Variants in CEP85 observed in about 807,000 individuals in gnomAD.
CEP85 encodes centrosomal protein of 85 kDa.
Under a neutral mutation model 93.7 loss-of-function variants are expected in CEP85, and 58 were observed. The observed-to-expected ratio is 0.62, with a 90% CI of 0.50 to 0.77. The LOEUF (loss-of-function observed/expected upper bound fraction) is 0.77. CEP85 is among the 30% of genes least tolerant of loss of function. CEP85 has a pLI of 0.00. For missense variants in CEP85, 868 were observed against 922.0 expected (o/e 0.94, Z 0.76); for synonymous variants, 314 against 338.6 (o/e 0.93, Z 0.80).
intron 12 of CEP85, among the ~76,000 whole-genome samples, chr1:26,275,287 T>G (rs2090037679): frequency 2.0e-5 from 3 of 151,650 alleles, no homozygotes; most frequent in Non-Finnish European, 4.4e-5. Context: ...AGGAAGGTTT[T>G]TTTTTTTTTT....
chr1:26,268,504 A>G lies in CEP85; in HGVS notation c.1363A>G (p.Ile455Val), dbSNP rs1436349191. Residue 455 changes from isoleucine to valine, a missense_variant, in exon 8 of 14, where the codon ATC becomes GTC. Transcript: ENST00000451429. The part of the protein sequence containing the change: ...EERVKGRDKH[I>V]NNLKKKCQKE... ...CTAGGTCAAAGGTCGTGATAAACAT[A>G]TCAATAATTTGAAAAAGAAATGCCA... is the stretch of plus-strand genomic sequence containing the variant. The G allele has an allele frequency of 6.2e-7, 1 of 1,614,172 alleles. No individual in the cohort carries two copies.
chr1:26,252,764 A>C (rs563894447), intron 3 of CEP85, among the ~76,000 whole-genome samples: 2 of 152,200 alleles, frequency 1.3e-5, no homozygotes, highest in South Asian at 4.2e-4. Context: ...GTGGCCTTTT[A>C]TATATCCCCA....
intron 11 of CEP85, among the ~76,000 whole-genome samples, chr1:26,273,387 C>CGTCT (rs1465597542): frequency 6.6e-6 from 1 of 152,128 alleles, no homozygotes; most frequent in Non-Finnish European, 1.5e-5. Context: ...GATTGGGCTA[C>CGTCT]GTCTATCTGG....
At chr1:26,270,430 G>C (rs529829736) in intron 9 of CEP85, among the ~76,000 whole-genome samples, 2 of 152,308 alleles carry the variant, frequency 1.3e-5, no homozygotes, top group African/African-American at 4.8e-5. Flanking sequence ...CATATTAATA[G>C]CAGTTTCTGA....
chr1:26,271,153 A>G (rs759267398), intron 10 of CEP85, 46 bp downstream of exon 10: 1 of 1,207,658 alleles, frequency 8.3e-7, no homozygotes. Context: ...GCTGGGAGGA[A>G]AGAGAAGATT....
chr1:26,234,474 T>A (rs553447570), intron 1 of CEP85, among the ~76,000 whole-genome samples, 164 bp downstream of exon 1: 1 of 152,164 alleles, frequency 6.6e-6, no homozygotes, highest in Non-Finnish European at 1.5e-5. Flanking sequence ...GCATACGCCC[T>A]CTCGCGTCCC....
rs151258875 is a variant in CEP85 at position 26,268,438 on chromosome 1, T to C, written c.1342-45T>C. The C allele has an allele frequency of 2.6e-4, 423 of 1,610,412 alleles. 2 individuals carry two copies. In the East Asian group the frequency reaches 9.3e-3, roughly 36 times the overall value. On this transcript the variant is annotated intron_variant, in intron 7 of 13. Coordinates refer to ENST00000451429, the MANE Select transcript of CEP85 (RefSeq NM_001319944.2). ...ACAGCACTGCACTCCAGCAGGGTCA[T>C]AGTGGAGTGAATGGTGGAGACAGAC...
In CEP85 at chr1:26,277,162, T is replaced by C. The variant is rs1434578662; in HGVS notation, c.2155T>C (p.Leu719=). 4.3e-6 allele frequency: 7 copies of C among 1,613,856 alleles called. No individual in the cohort carries two copies. The highest frequency in any genetic ancestry group is 1.7e-5 in the Admixed American group (1 of 60,006). The change falls in exon 14 of 14, where the codon TTG becomes CTG. Residue 719 remains leucine, a synonymous_variant. Coordinates refer to ENST00000451429, the MANE Select transcript of CEP85 (RefSeq NM_001319944.2). Reference sequence around the variant, plus strand: ...ACAGCACCCAGAGACTCAGCTAGATTTGCAGAAGCCAGATGTGATCAAGAG... The same window carrying C: ...ACAGCACCCAGAGACTCAGCTAGATCTGCAGAAGCCAGATGTGATCAAGAG... ...HSQHPETQLD[L]QKPDVIKRKL...
intron 1 of CEP85, among the ~76,000 whole-genome samples, chr1:26,237,903 C>T (rs1420576334): frequency 6.6e-6 from 1 of 152,096 alleles, no homozygotes; most frequent in East Asian, 1.9e-4. Flanking sequence ...TCTAATCATT[C>T]TATGTCATCA....
At chr1:26,262,592 T>C (rs2089828943) in intron 7 of CEP85, among the ~76,000 whole-genome samples, 1 of 152,122 alleles carries the variant, frequency 6.6e-6, no homozygotes, top group South Asian at 2.1e-4. Flanking sequence ...AAATCAAGAA[T>C]GATCCACTGG....
intron 3 of CEP85, among the ~76,000 whole-genome samples, chr1:26,250,935 T>TTTC (rs1557653742): frequency 8.4e-5 from 6 of 71,348 alleles, no homozygotes; most frequent in East Asian, 2.9e-4. Flanking sequence ...CTTTTTTCTT[T>TTTC]TTTTTTTTTT....
intron 9 of CEP85, among the ~76,000 whole-genome samples, chr1:26,269,873 GCCTCCCAGGTTCACACCATTCTCCTGC>G (rs2089948782): frequency 7.6e-6 from 1 of 130,832 alleles, no homozygotes; most frequent in African/African-American, 2.9e-5. Flanking sequence ...TGCAAGCTCC[GCCTCCCAGGTTCACACCATTCTCCTGC>G]CTCAGCCTCC....
At chr1:26,254,642 C>A in intron 3 of CEP85, 1 of 158,352 alleles carries the variant, frequency 6.3e-6, no homozygotes, top group Non-Finnish European at 1.4e-5. Context: ...CCCTGTCCTG[C>A]ATACTGAGCA....
Position 26,259,655 on chromosome 1 carries a change from T to G in CEP85, c.1194T>G (p.Phe398Leu), listed in dbSNP as rs2089776066. ...QRENTFLRAQ[F>L]AQKTEALSRE... ...AAAACACTTTCTTACGTGCACAGTT[T>G]GCACAGAAGACAGAAGCCTTGAGCA... Residue 398 changes from phenylalanine to leucine, a missense_variant, in exon 7 of 14, where the codon TTT becomes TTG. Transcript: ENST00000451429. 1 of 1,612,948 alleles carries G rather than the reference T, an allele frequency of 6.2e-7. No homozygotes were observed. The highest frequency in any genetic ancestry group is 1.1e-5 in the South Asian group (1 of 90,860).
chr1:26,275,998 T>C (rs1436733058), intron 12 of CEP85, among the ~76,000 whole-genome samples: 1 of 152,218 alleles, frequency 6.6e-6, no homozygotes, highest in African/African-American at 2.4e-5. Flanking sequence ...GGCTGGATCC[T>C]CCAGGTTCCA....
intron 1 of CEP85, among the ~76,000 whole-genome samples, chr1:26,235,938 C>T (rs181951566): frequency 2.0e-5 from 3 of 152,276 alleles, no homozygotes; most frequent in African/African-American, 7.2e-5. Flanking sequence ...TCTTGGGTAG[C>T]AACTTGAGAA....
At chr1:26,237,677 CTG>C (rs951206235) in intron 1 of CEP85, among the ~76,000 whole-genome samples, 4 of 152,024 alleles carry the variant, frequency 2.6e-5, no homozygotes, top group African/African-American at 7.2e-5. Context: ...TTGTGTAAAC[CTG>C]TGTTTTCATT....
intron 1 of CEP85, among the ~76,000 whole-genome samples, chr1:26,239,355 T>A (rs75796349): frequency 0.018 from 2,726 of 152,276 alleles, 87 homozygotes; most frequent in African/African-American, 0.062. Flanking sequence ...TGGAATATTC[T>A]TTTTTATTTT....
intron 13 of CEP85, 98 bp downstream of exon 13, chr1:26,276,858 C>A: frequency 1.0e-6 from 1 of 980,914 alleles, no homozygotes; most frequent in South Asian, 1.5e-5. Context: ...AATATGTAGA[C>A]AGAGTACATA....
Sources: allele counts gnomAD v4.1 joint callset (sites outside exome capture counted in the v4.1 genomes callset), GRCh38; gene constraint gnomAD v4.1.1; transcripts MANE v1.5; gene names NCBI Gene and HGNC (gene_info 2026-07-23, HGNC 2026-07-21).